The following ZNF331 variants were observed in gnomAD, a reference collection of about 807,000 sequenced individuals.
The protein encoded by ZNF331 is zinc finger protein 331, also known as C2H2-like zinc finger protein rearranged in thyroid adenomas.
In ZNF331, 2 loss-of-function variants were observed where a neutral mutation model predicts 7.0. That is an observed-to-expected ratio of 0.29 (90% CI 0.12 to 0.90). The LOEUF is 0.90. ZNF331 is among the 40% of genes least tolerant of loss of function. The pLI is 0.58. For missense variants in ZNF331, 432 were observed against 587.7 expected (o/e 0.74, Z 2.74); for synonymous variants, 196 against 205.4 (o/e 0.95, Z 0.39).
At chr19:53,554,023 C>G (rs927735307) in intron 2 of ZNF331, among the ~76,000 whole-genome samples, 4 of 152,204 alleles carry the variant, frequency 2.6e-5, no homozygotes, top group African/African-American at 9.7e-5. Flanking sequence ...GAACTTAAGG[C>G]GCTGCATGCT....
At chr19:53,509,139 C>T in the ZNF331 span, among the ~76,000 whole-genome samples, 1 of 152,150 alleles carries the variant, frequency 6.6e-6, no homozygotes, top group Non-Finnish European at 1.5e-5. Flanking sequence ...TTGGTCTCCA[C>T]GTCACCCAGA....
chr19:53,570,253 CTCAAA>C (rs2090373619), intron 4 of ZNF331, among the ~76,000 whole-genome samples: 1 of 16,646 alleles, frequency 6.0e-5, no homozygotes, highest in African/African-American at 2.0e-4. Flanking sequence ...AAGACTCTGT[CTCAAA>C]AAAAAAAAAA....
upstream of ZNF331, chr19:53,536,465 C>T (rs2087752367): frequency 6.6e-6 from 1 of 152,212 alleles, no homozygotes; most frequent in African/African-American, 2.4e-5. Context: ...TTTTAACCTA[C>T]CCTTTTCCCT....
chr19:53,562,147 CAA>C (rs1240305535), intron 3 of ZNF331, among the ~76,000 whole-genome samples: 1 of 151,916 alleles, frequency 6.6e-6, no homozygotes, highest in East Asian at 1.9e-4. Flanking sequence ...GACTCTGTCT[CAA>C]AAAATAAGAT....
intron 2 of ZNF331, among the ~76,000 whole-genome samples, chr19:53,540,352 T>A (rs1175171182): frequency 6.6e-6 from 1 of 152,168 alleles, no homozygotes; most frequent in Non-Finnish European, 1.5e-5. Context: ...CTGTGTCCTC[T>A]CACGGAGGAC....
At chr19:53,535,757 A>G (rs1045623444), upstream of ZNF331, among the ~76,000 whole-genome samples, 4 of 152,272 alleles carry the variant, frequency 2.6e-5, no homozygotes, top group South Asian at 8.3e-4. Context: ...AACATTTCAA[A>G]GGTATATGAA....
At chr19:53,564,229 T>C (rs972023396) in intron 3 of ZNF331, among the ~76,000 whole-genome samples, 8 of 151,856 alleles carry the variant, frequency 5.3e-5, no homozygotes, top group African/African-American at 1.7e-4. Context: ...GCCTGTGTCC[T>C]TAATTTCAGC....
chr19:53,533,592 T>A (rs576792222), upstream of ZNF331, among the ~76,000 whole-genome samples: 15 of 152,216 alleles, frequency 9.9e-5, no homozygotes, highest in Non-Finnish European at 2.2e-4. Context: ...GGATTTGAAG[T>A]CCCCTTCAAT....
chr19:53,514,745 G>A (rs1233176879), upstream of ZNF331, among the ~76,000 whole-genome samples: 1 of 146,772 alleles, frequency 6.8e-6, no homozygotes, highest in East Asian at 2.0e-4. Flanking sequence ...CCGCCTCCCG[G>A]GTTCACGCCA....
chr19:53,540,362 CAT>C (rs956039588), intron 2 of ZNF331, among the ~76,000 whole-genome samples: 17 of 152,112 alleles, frequency 1.1e-4, no homozygotes, highest in African/African-American at 3.9e-4. Flanking sequence ...TCACGGAGGA[CAT>C]GTGTGTGCTT....
chr19:53,550,008 A>C lies in ZNF331; in HGVS notation c.-137-5837A>C, dbSNP rs1307077806. On this transcript the variant is annotated intron_variant, in intron 2 of 5. Transcript: ENST00000449416. ...CCTGGCCCATTGGTTGTTTAGCATC[A>C]TGTCGATTAATATCCACATATTTTT... 3.3e-5 allele frequency among the ~76,000 whole-genome samples: 5 copies of C among 152,224 alleles called. No individual in the cohort carries two copies. In the East Asian group the frequency reaches 7.7e-4, roughly 23 times the overall value.
chr19:53,507,618 G>C, the ZNF331 span, among the ~76,000 whole-genome samples: 1 of 152,310 alleles, frequency 6.6e-6, no homozygotes. Context: ...CAGGGAAGTA[G>C]ATTCCTCACG....
chr19:53,549,124 A>G (rs1323105026), intron 2 of ZNF331, among the ~76,000 whole-genome samples: 13 of 152,116 alleles, frequency 8.5e-5, no homozygotes, highest in Non-Finnish European at 1.9e-4. Flanking sequence ...TCTATGAAGT[A>G]AAATAAGGGT....
chr19:53,531,780 C>T (rs950273745), intron 2 of ZNF331, among the ~76,000 whole-genome samples: 6 of 152,038 alleles, frequency 3.9e-5, no homozygotes, highest in African/African-American at 9.6e-5. Flanking sequence ...TTTCCACTTG[C>T]TTTGTGTGCA....
chr19:53,518,860 G>A (rs62143876), upstream of ZNF331, among the ~76,000 whole-genome samples: 6,584 of 152,282 alleles, frequency 0.043, 199 homozygotes, highest in East Asian at 0.16. Flanking sequence ...ACAGCAGGAC[G>A]GTTGCAGTTA....
intron 3 of ZNF331, among the ~76,000 whole-genome samples, chr19:53,567,467 A>G (rs2147616256): frequency 6.6e-6 from 1 of 152,202 alleles, no homozygotes; most frequent in African/African-American, 2.4e-5. Context: ...TATGAGGCTC[A>G]TGGGTATGGT....
chr19:53,536,869 C>A (rs984603202), upstream of ZNF331, among the ~76,000 whole-genome samples: 5 of 152,220 alleles, frequency 3.3e-5, no homozygotes, highest in Admixed American at 6.5e-5. Context: ...CACCATTGCA[C>A]TTGAGCCTGG....
intron 2 of ZNF331, among the ~76,000 whole-genome samples, chr19:53,553,552 A>T (rs902565261): frequency 2.0e-5 from 3 of 152,150 alleles, no homozygotes; most frequent in African/African-American, 7.2e-5. Flanking sequence ...TACTCTAGCT[A>T]TTTCCTTGGG....
chr19:53,576,765 A>G lies in ZNF331; in HGVS notation c.205A>G (p.Lys69Glu). The part of the protein sequence containing the change: ...EKNIHEIRAS[K>E]RNSDRRSKSL... ...AAACATTCATGAAATAAGGGCTTCC[A>G]AAAGGAATTCAGATAGAAGAAGTAA... Residue 69 changes from lysine to glutamate, a missense_variant, in exon 6 of 6, where the codon AAA (lysine) becomes GAA (glutamate). Physicochemically the swap from Lys to Glu is moderately conservative, Grantham distance 56. This residue lies in a region of ZNF331 where 81 missense variants were observed against 70.3 expected (regional missense o/e 1.15). Transcript: ENST00000449416. The G allele has an allele frequency of 6.2e-7, 1 of 1,614,032 alleles. No homozygotes were observed. Among genetic ancestry groups the G allele is most frequent in the Non-Finnish European group, 8.5e-7 (1 of 1,179,996 alleles).
Sources: gnomAD v4.1 joint callset for allele counts (sites outside exome capture counted in the v4.1 genomes callset) on GRCh38, gnomAD v4.1.1 for gene constraint, gnomAD v4.1.1 regional missense constraint, MANE v1.5 for transcripts, NCBI Gene and HGNC (gene_info 2026-07-23, HGNC 2026-07-21) for gene names.